The following SLC30A8 variants were observed in gnomAD, a reference collection of about 807,000 sequenced individuals.
SLC30A8 encodes the protein proton-coupled zinc antiporter SLC30A8.
SLC30A8 carries 27 observed loss-of-function variants against 36.9 expected under a neutral mutation model. The ratio of observed to expected loss-of-function variants is 0.73; its 90% CI spans 0.54 to 1.01. SLC30A8 has a LOEUF of 1.01. SLC30A8 is among the 50% of genes least tolerant of loss of function. SLC30A8 has a pLI of 0.00. For synonymous variants in SLC30A8, 164 were observed against 172.4 expected (o/e 0.95, Z 0.38); for missense variants, 439 against 452.0 (o/e 0.97, Z 0.26).
chr8:117,028,186 A>AT (rs1357384275), intron 1 of SLC30A8, among the ~76,000 whole-genome samples: 1 of 152,148 alleles, frequency 6.6e-6, no homozygotes, highest in Non-Finnish European at 1.5e-5. Flanking sequence ...GGAGGCAAAG[A>AT]TTTTTGTCTA....
At chr8:117,149,099 ATGTT>A (rs1822042798) in intron 2 of SLC30A8, among the ~76,000 whole-genome samples, 1 of 152,128 alleles carries the variant, frequency 6.6e-6, no homozygotes, top group Non-Finnish European at 1.5e-5. Context: ...AATCAAATCT[ATGTT>A]TGATTATTTA....
intron 2 of SLC30A8, among the ~76,000 whole-genome samples, chr8:117,039,934 C>A (rs1817329325): frequency 6.6e-6 from 1 of 152,132 alleles, no homozygotes. Context: ...TTCTCCTCCC[C>A]CCGAGCTTTC....
intron 1 of SLC30A8, among the ~76,000 whole-genome samples, chr8:116,959,229 T>C (rs1345741416): frequency 1.3e-5 from 2 of 152,208 alleles, no homozygotes; most frequent in Non-Finnish European, 2.9e-5. Context: ...GCCCATTAAT[T>C]ATTTTTCTGC....
At chr8:117,169,232 T>C (rs1242007626) in intron 6 of SLC30A8, among the ~76,000 whole-genome samples, 1 of 152,170 alleles carries the variant, frequency 6.6e-6, no homozygotes, top group Non-Finnish European at 1.5e-5. Flanking sequence ...ACTCAGCTCA[T>C]GCTGTAGGGA....
intron 2 of SLC30A8, among the ~76,000 whole-genome samples, chr8:117,074,882 C>T (rs1244012717): frequency 6.6e-6 from 1 of 152,124 alleles, no homozygotes; most frequent in African/African-American, 2.4e-5. Flanking sequence ...TCCATTATCA[C>T]CTATGTTCTA....
chr8:117,064,653 G>A lies in SLC30A8; in HGVS notation c.-226+25395G>A, dbSNP rs143421264. 8.4e-3 allele frequency among the ~76,000 whole-genome samples: 1,285 copies of A among 152,272 alleles called. 17 individuals carry two copies. Among genetic ancestry groups the A allele is most frequent in the African/African-American group, 0.029 (1,206 of 41,546 alleles). ...GATGGCAGGGGGATGACTCACCATCGGACAGCCGAAGAGCATTATCTCAGT... is the reference window on the plus strand; with the variant it reads ...GATGGCAGGGGGATGACTCACCATCAGACAGCCGAAGAGCATTATCTCAGT... On this transcript the variant is annotated intron_variant, in intron 2 of 10. Coordinates refer to the SLC30A8 transcript ENST00000427715.
At chr8:117,035,731 G>A (rs1014607320) in intron 1 of SLC30A8, among the ~76,000 whole-genome samples, 1 of 152,232 alleles carries the variant, frequency 6.6e-6, no homozygotes, top group African/African-American at 2.4e-5. Context: ...ACATCCAGGT[G>A]TTTCCATACA....
chr8:117,004,276 A>T (rs149382658), intron 1 of SLC30A8, among the ~76,000 whole-genome samples: 323 of 152,350 alleles, frequency 2.1e-3, no homozygotes, highest in South Asian at 8.3e-3. Context: ...AAGTGTCACA[A>T]AGTTATTGTA....
At chr8:116,955,889 C>T (rs1270122790) in intron 1 of SLC30A8, among the ~76,000 whole-genome samples, 2 of 152,092 alleles carry the variant, frequency 1.3e-5, no homozygotes, top group Non-Finnish European at 2.9e-5. Context: ...GCCTCCAGAA[C>T]TGTGAGAGAA....
At chr8:116,969,184 G>A (rs540813224) in intron 1 of SLC30A8, among the ~76,000 whole-genome samples, 4 of 152,246 alleles carry the variant, frequency 2.6e-5, no homozygotes, top group Non-Finnish European at 5.9e-5. Flanking sequence ...TTGGGAGGCC[G>A]AGGTGGGCGG....
At chr8:116,981,864 G>A (rs1410800118) in intron 1 of SLC30A8, among the ~76,000 whole-genome samples, 1 of 152,162 alleles carries the variant, frequency 6.6e-6, no homozygotes, top group Non-Finnish European at 1.5e-5. Flanking sequence ...TGTGAATAGT[G>A]CTGTGATGAA....
At chr8:117,150,938 C>T (rs774470126) in intron 2 of SLC30A8, among the ~76,000 whole-genome samples, 14 of 151,464 alleles carry the variant, frequency 9.2e-5, no homozygotes, top group Middle Eastern at 3.4e-3. Flanking sequence ...CTCAACATGC[C>T]ACAGCCTTGC....
chr8:117,062,901 G>A (rs2030741609), intron 2 of SLC30A8, among the ~76,000 whole-genome samples: 1 of 152,164 alleles, frequency 6.6e-6, no homozygotes, highest in African/African-American at 2.4e-5. Context: ...AGCCCCTTTG[G>A]CAGAAATCAT....
In SLC30A8 at chr8:117,135,297, A is replaced by G. The variant is rs1264947645; in HGVS notation, c.-31A>G. On this transcript the variant is annotated 5_prime_UTR_variant, in exon 1 of 8. Coordinates refer to ENST00000456015, the MANE Select transcript of SLC30A8 (RefSeq NM_173851.3). ...CTGGGCAGTGAGTTCAACAACAACG[A>G]CAACAACAGCCGCAGCTCATCCTGG... The G allele has an allele frequency of 1.9e-6, 3 of 1,558,330 alleles. No individual in the cohort carries two copies. In the East Asian group the frequency reaches 6.9e-5, roughly 36 times the overall value.
chr8:117,055,286 G>T (rs923158998), intron 2 of SLC30A8, among the ~76,000 whole-genome samples: 3 of 152,190 alleles, frequency 2.0e-5, no homozygotes, highest in Non-Finnish European at 4.4e-5. Context: ...AAAAGCTGTG[G>T]CATGAGCCCA....
At chr8:117,146,375 T>C (rs1366181874) in intron 1 of SLC30A8, among the ~76,000 whole-genome samples, 1 of 152,178 alleles carries the variant, frequency 6.6e-6, no homozygotes, top group African/African-American at 2.4e-5. Context: ...AGAACTGATA[T>C]TCACTGCCTG....
At chr8:117,112,821 T>G (rs1820288865) in intron 2 of SLC30A8, among the ~76,000 whole-genome samples, 1 of 152,226 alleles carries the variant, frequency 6.6e-6, no homozygotes, top group East Asian at 1.9e-4. Flanking sequence ...TGCAAATTCT[T>G]TGTTTTTCCT....
At chr8:117,109,951 G>C (rs1820153568) in intron 2 of SLC30A8, among the ~76,000 whole-genome samples, 1 of 152,178 alleles carries the variant, frequency 6.6e-6, no homozygotes, top group Admixed American at 6.5e-5. Context: ...AAGGTGCTTA[G>C]AATTACGCTT....
intron 1 of SLC30A8, among the ~76,000 whole-genome samples, chr8:117,023,045 C>A (rs1816754567): frequency 6.6e-6 from 1 of 152,142 alleles, no homozygotes; most frequent in African/African-American, 2.4e-5. Context: ...AAAACAACCC[C>A]ATCAACAAGT....
Sources: allele counts gnomAD v4.1 joint callset (sites outside exome capture counted in the v4.1 genomes callset), GRCh38; gene constraint gnomAD v4.1.1; transcripts MANE v1.5; gene names NCBI Gene and HGNC (gene_info 2026-07-23, HGNC 2026-07-21).